The following MAST3 variants were observed in gnomAD, a reference collection of about 807,000 sequenced individuals.
MAST3 encodes microtubule associated serine/threonine kinase 3, also known as microtubule-associated serine/threonine-protein kinase 3.
In MAST3, 43 loss-of-function variants were observed where a neutral mutation model predicts 127.0. The ratio of observed to expected loss-of-function variants is 0.34; its 90% CI spans 0.27 to 0.44. The LOEUF (loss-of-function observed/expected upper bound fraction) is 0.44, where lower values mean the gene tolerates loss of function less well. MAST3 is among the 20% of genes least tolerant of loss of function. MAST3 has a pLI of 1.00. For missense variants in MAST3, 1,390 were observed against 1,919.1 expected, an observed-to-expected ratio of 0.72 and a Z score of 5.15; for synonymous variants, 785 against 809.2, an observed-to-expected ratio of 0.97 and a Z score of 0.51.
At chr19:18,100,282 C>T (rs948943230) in intron 1 of MAST3, among the ~76,000 whole-genome samples, 2 of 151,936 alleles carry the variant, frequency 1.3e-5, no homozygotes, top group African/African-American at 4.8e-5. Context: ...CATGTCACCA[C>T]GCCCGGCTAA....
chr19:18,133,549 A>ATT (rs3048882), intron 15 of MAST3, among the ~76,000 whole-genome samples: 46,066 of 91,758 alleles, frequency 0.5, 14,343 homozygotes, highest in South Asian at 0.66. Context: ...CGCCCAGCTA[A>ATT]TTTTTTTTTT....
intron 2 of MAST3, 38 bp downstream of exon 2, chr19:18,107,656 AGTG>A (rs2038183865): frequency 6.2e-7 from 1 of 1,603,400 alleles, no homozygotes; most frequent in Non-Finnish European, 8.5e-7. Context: ...GGTGGGCCCC[AGTG>A]GTCTTGGAAG....
intron 27 of MAST3, among the ~76,000 whole-genome samples, chr19:18,148,696 AGT>A (rs1352462712): frequency 6.6e-6 from 1 of 151,920 alleles, no homozygotes; most frequent in African/African-American, 2.4e-5. Flanking sequence ...TGAGGTCAGG[AGT>A]TTGAGACCAG....
At chr19:18,101,344 CCTCCTCCTCCTCCTCCTTCTCCTT>C (rs957090746) in intron 1 of MAST3, among the ~76,000 whole-genome samples, 3 of 143,984 alleles carry the variant, frequency 2.1e-5, no homozygotes, top group Non-Finnish European at 3.1e-5. Context: ...TTTTCCTCCT[CCTCCTCCTCCTCCTCCTTCTCCTT>C]CTCCTCCTCC....
At chr19:18,108,869 T>A (rs868410960) in intron 2 of MAST3, among the ~76,000 whole-genome samples, 1 of 151,998 alleles carries the variant, frequency 6.6e-6, no homozygotes, top group East Asian at 1.9e-4. Flanking sequence ...AATGAACATT[T>A]TTTTGAGCAC....
In MAST3 at chr19:18,110,166, C is replaced by T; in HGVS notation, c.72-486C>T. On this transcript the variant is annotated intron_variant, in intron 2 of 27. Coordinates refer to ENST00000687212, the MANE Select transcript of MAST3 (RefSeq NM_001393504.1). The surrounding 1 kb of genome is among the most constrained non-coding windows in gnomAD (Gnocchi z 4.3). ...GCGGAGCCAGCCCGGCCCCCAGCGG[C>T]CCAGCCCCCGCGTCTAGTCTGCCGC... 1.0e-6 allele frequency: 1 copy of T among 985,430 alleles called. No individual in the cohort carries two copies. The highest frequency in any genetic ancestry group is 1.2e-6 in the Non-Finnish European group (1 of 829,954). 61.0% of individuals were successfully genotyped at this position (985,430 alleles called of 1,614,324 possible). A position where few individuals can be genotyped will look rare whatever the true frequency, so the allele number is the denominator to read the frequency against.
chr19:18,119,695 T>C (rs2039728497), intron 3 of MAST3, among the ~76,000 whole-genome samples: 1 of 152,148 alleles, frequency 6.6e-6, no homozygotes, highest in Admixed American at 6.5e-5. Flanking sequence ...CTGGATGTGG[T>C]AGGTTTCATC....
Position 18,141,926 on chromosome 19 carries a change from C to A in MAST3, c.2250C>A (p.Thr750=), listed in dbSNP as rs779875880. 1.9e-6 allele frequency: 3 copies of A among 1,551,108 alleles called. No individual in the cohort carries two copies. Among genetic ancestry groups the A allele is most frequent in the African/African-American group, 2.7e-5 (2 of 72,854 alleles). ...TCCTGGCCGTCCAGCCCACTCCTAC[C>A]TTCGCTGAAAGGAGCTTCAGTGAAG... ...SEFLAVQPTP[T]FAERSFSEDR... is the part of the protein sequence containing the mutation. The change falls in exon 21 of 28, where the codon ACC becomes ACA. Residue 750 remains threonine, a synonymous_variant. Transcript: ENST00000687212.
At chr19:18,129,478 A>T (rs2041023156) in intron 13 of MAST3, 1 of 154,670 alleles carries the variant, frequency 6.5e-6, no homozygotes, top group Non-Finnish European at 1.4e-5. Context: ...GCAGGGTGGT[A>T]GCAGCTTAGG....
At chr19:18,116,504 A>G (rs1157729368) in intron 3 of MAST3, among the ~76,000 whole-genome samples, 1 of 149,096 alleles carries the variant, frequency 6.7e-6, no homozygotes, top group African/African-American at 2.5e-5. Flanking sequence ...CTTGTTGGCC[A>G]GGCTGGTCTC....
chr19:18,144,430 T>G lies in MAST3; in HGVS notation c.2585-36T>G, dbSNP rs1274079776. ...GTCCCTTTAGGACCACATGGTGAGT[T>G]TGAGGGGCACCCAGCTGACCCTGCT... On this transcript the variant is annotated intron_variant, in intron 22 of 27. Transcript: ENST00000687212. The surrounding 1 kb of genome is among the most constrained non-coding windows in gnomAD (Gnocchi z 4.0). 3 of 1,522,356 alleles carry G rather than the reference T, an allele frequency of 2.0e-6. No homozygotes were observed. Among genetic ancestry groups the G allele is most frequent in the Non-Finnish European group, 2.7e-6 (3 of 1,128,166 alleles). The allele number at this position is 1,522,356 out of a possible 1,614,324, so 94.3% of individuals were successfully genotyped here. A position where few individuals can be genotyped will look rare whatever the true frequency, so the allele number is the denominator to read the frequency against.
At chr19:18,099,218 A>G (rs1184466682) in intron 1 of MAST3, among the ~76,000 whole-genome samples, 2 of 150,258 alleles carry the variant, frequency 1.3e-5, no homozygotes, top group African/African-American at 4.9e-5. Flanking sequence ...GGGAGTGGTC[A>G]GGGAAGGCAC....
Position 18,143,869 on chromosome 19 carries a change from C to T in MAST3, c.2446C>T (p.Pro816Ser). Reference sequence around the variant, plus strand: ...GAATACCATCAGCCTGGACACAATGCCCAAGTTTGCCTTCTCATCAGAGGA... The same window carrying T: ...GAATACCATCAGCCTGGACACAATGTCCAAGTTTGCCTTCTCATCAGAGGA... The part of the protein sequence containing the change: ...LLNTISLDTM[P>S]KFAFSSEDEG... The change falls in exon 22 of 28, where the codon CCC (proline) becomes TCC (serine). Residue 816 changes from proline to serine, a missense_variant. Physicochemically the swap from Pro to Ser is moderately conservative, Grantham distance 74 (BLOSUM62 -1). Coordinates refer to ENST00000687212, the MANE Select transcript of MAST3 (RefSeq NM_001393504.1). The T allele has an allele frequency of 6.2e-7, 1 of 1,613,938 alleles. No individual in the cohort carries two copies. Among genetic ancestry groups the T allele is most frequent in the Non-Finnish European group, 8.5e-7 (1 of 1,179,888 alleles).
At chr19:18,142,969 G>A (rs149702608) in intron 21 of MAST3, among the ~76,000 whole-genome samples, 1,627 of 151,880 alleles carry the variant, frequency 0.011, 31 homozygotes, top group African/African-American at 0.037. Context: ...AAATTTAGCC[G>A]GGCATAGTGG....
chr19:18,146,820 C>G, intron 25 of MAST3, 61 bp from the exon 26 acceptor site: 1 of 1,473,424 alleles, frequency 6.8e-7, no homozygotes, highest in South Asian at 1.3e-5. Context: ...ATAGCAGCTG[C>G]CTGGCAAGTG....
At chr19:18,118,223 G>T (rs2147099792) in intron 3 of MAST3, 1 of 985,462 alleles carries the variant, frequency 1.0e-6, no homozygotes, top group Non-Finnish European at 1.2e-6. Flanking sequence ...GAGCCGCCTG[G>T]CAAAAGGCGC....
At chr19:18,122,802 G>C in intron 6 of MAST3, 51 bp downstream of exon 6, 1 of 1,554,178 alleles carries the variant, frequency 6.4e-7, no homozygotes, top group Non-Finnish European at 8.8e-7. Context: ...CGGGTTGTGG[G>C]GGGACACATC....
chr19:18,123,922 C>T lies in MAST3; in HGVS notation c.634-17C>T, dbSNP rs771094128. 8.4e-6 allele frequency: 13 copies of T among 1,544,814 alleles called. No homozygotes were observed. The highest frequency in any genetic ancestry group is 5.9e-5 in the South Asian group (5 of 84,622). On this transcript the variant is annotated splice_polypyrimidine_tract_variant and intron_variant, in intron 8 of 27. Transcript: ENST00000687212. ...GCCCCGCCCTCTGACCAGGTCGCCC[C>T]GTCTCGCCCCACCCAGGCCACAGCA...
rs1435315109 is a variant in MAST3, at chr19:18,149,479, G to A, written c.3797G>A (p.Gly1266Asp). The change falls in exon 28 of 28, where the codon GGC becomes GAC. Residue 1266 changes from glycine to aspartate, a missense_variant. Transcript: ENST00000687212. The surrounding 1 kb of genome is among the most constrained non-coding windows in gnomAD (Gnocchi z 5.9). ...LRRGQSADKL[G>D]TGERLDGEAG... ...CGGGGCCAGTCAGCTGACAAGCTGG[G>A]CACAGGGGAGCGGCTGGATGGGGAG... is the stretch of plus-strand genomic sequence containing the variant. 1 of 1,543,858 alleles carries A rather than the reference G, an allele frequency of 6.5e-7. No individual in the cohort carries two copies. Among genetic ancestry groups the A allele is most frequent in the Admixed American group, 2.0e-5 (1 of 50,810 alleles).
Sources: gnomAD v4.1 joint callset for allele counts (sites outside exome capture counted in the v4.1 genomes callset) on GRCh38, gnomAD v4.1.1 for gene constraint, Gnocchi (gnomAD v3.1) non-coding constraint, MANE v1.5 for transcripts, NCBI Gene and HGNC (gene_info 2026-07-23, HGNC 2026-07-21) for gene names.